The following INTS7 variants were observed in gnomAD, a reference collection of about 807,000 sequenced individuals.
The protein encoded by INTS7 is integrator complex subunit 7.
In INTS7, 46 loss-of-function variants were observed where a neutral mutation model predicts 109.2. The ratio of observed to expected loss-of-function variants is 0.42; its 90% CI spans 0.33 to 0.54. The LOEUF (loss-of-function observed/expected upper bound fraction) is 0.54. Ranked by LOEUF, INTS7 falls within the 20% of genes least tolerant of loss-of-function variation. The pLI is 0.07. For synonymous variants in INTS7, 412 were observed against 402.9 expected (o/e 1.02, Z -0.27); for missense variants, 929 against 1,132.4 (o/e 0.82, Z 2.58).
At chr1:211,963,337 T>C (rs905787317) in intron 16 of INTS7, among the ~76,000 whole-genome samples, 2 of 151,468 alleles carry the variant, frequency 1.3e-5, no homozygotes, top group African/African-American at 4.9e-5. Context: ...TGAAATTGAA[T>C]CAGTAATAAA....
At chr1:211,966,368 T>C in intron 16 of INTS7, 62 bp downstream of exon 16, 1 of 910,578 alleles carries the variant, frequency 1.1e-6, no homozygotes, top group Non-Finnish European at 1.8e-6. Flanking sequence ...CTTCTGATGA[T>C]TAGGTAAGAC....
At chr1:211,952,136 T>C (rs1248844732) in intron 17 of INTS7, among the ~76,000 whole-genome samples, 1 of 152,176 alleles carries the variant, frequency 6.6e-6, no homozygotes, top group Non-Finnish European at 1.5e-5. Context: ...CAGAATCACC[T>C]GAGTGTGTGT....
chr1:211,959,857 G>A lies in INTS7; in HGVS notation c.2183+6573C>T, dbSNP rs886198335. Among the ~76,000 whole-genome samples, 5 of 152,144 alleles carry A rather than the reference G, an allele frequency of 3.3e-5. No individual in the cohort carries two copies. The highest frequency in any genetic ancestry group is 1.2e-4 in the African/African-American group (5 of 41,430). On this transcript the variant is annotated intron_variant, in intron 16 of 19. Transcript: ENST00000366994. This position sits in a 1 kb window ranked among gnomAD's most constrained non-coding sequence, Gnocchi z 4.2. ...GTGCAGTTACCAACAGGGTTCCCCT[G>A]CACCCCACCGGCCACCTGCGCTGCC...
intron 4 of INTS7, among the ~76,000 whole-genome samples, chr1:212,015,114 C>A (rs1274254018): frequency 4.0e-5 from 6 of 149,716 alleles, no homozygotes; most frequent in Middle Eastern, 3.5e-3. Flanking sequence ...CGGGCAGCCG[C>A]CCCGTCCGGG....
chr1:211,982,929 A>T lies in INTS7; in HGVS notation c.998-119T>A, dbSNP rs1009569746. 7.4e-6 allele frequency: 5 copies of T among 680,070 alleles called. No individual in the cohort carries two copies. In the Admixed American group the frequency reaches 1.6e-4, roughly 22 times the overall value. 42.1% of individuals were successfully genotyped at this position (680,070 alleles called of 1,614,324 possible). On this transcript the variant is annotated intron_variant, in intron 8 of 19. Coordinates refer to ENST00000366994, the MANE Select transcript of INTS7 (RefSeq NM_015434.4). ...GTCTCTAACAATAAACTTCAACAAA[A>T]TTTCCTACCACAATCCCACTATCAA... is the stretch of plus-strand genomic sequence containing the variant.
At chr1:211,955,674 T>G (rs1420901277) in intron 16 of INTS7, among the ~76,000 whole-genome samples, 1 of 152,254 alleles carries the variant, frequency 6.6e-6, no homozygotes, top group Non-Finnish European at 1.5e-5. Flanking sequence ...TAATGCCTAC[T>G]ATGTACAAGG....
At chr1:211,989,984 A>G (rs1212761225) in intron 7 of INTS7, among the ~76,000 whole-genome samples, 1 of 152,198 alleles carries the variant, frequency 6.6e-6, no homozygotes, top group Non-Finnish European at 1.5e-5. Context: ...AGATTGACCA[A>G]GGTTAAAGTT....
intron 1 of INTS7, among the ~76,000 whole-genome samples, chr1:212,029,619 G>C (rs546927194): frequency 6.6e-6 from 1 of 152,350 alleles, no homozygotes; most frequent in East Asian, 1.9e-4. Context: ...CATAAAAAGA[G>C]TGTTCAAAAT....
chr1:211,976,148 T>C (rs1665759666), intron 12 of INTS7, among the ~76,000 whole-genome samples: 1 of 152,102 alleles, frequency 6.6e-6, no homozygotes, highest in South Asian at 2.1e-4. Context: ...CAAACAAAAT[T>C]AATAAAACTT....
chr1:211,968,557 T>A lies in INTS7; in HGVS notation c.1966A>T (p.Thr656Ser), dbSNP rs1023765369. 2 of 1,614,036 alleles carry A rather than the reference T, an allele frequency of 1.2e-6. No homozygotes were observed. Among genetic ancestry groups the A allele is most frequent in the East Asian group, 4.5e-5 (2 of 44,882 alleles). ...CACCTCTGGAGGTCATTTCCTAAGG[T>A]CATGGCAATTGTTGTGGCAATTGCA... ...PPAIATTIAM[T>S]LGNDLQRCGR... Residue 656 changes from threonine to serine, a missense_variant, in exon 14 of 20, where the codon ACC (threonine) becomes TCC (serine). Thr to Ser is a moderately conservative substitution (Grantham distance 58). This residue lies in a region of INTS7 where 787 missense variants were observed against 901.1 expected (regional missense o/e 0.87). Coordinates refer to ENST00000366994, the MANE Select transcript of INTS7 (RefSeq NM_015434.4).
At chr1:212,004,850 G>A (rs569682453) in intron 7 of INTS7, among the ~76,000 whole-genome samples, 1 of 152,270 alleles carries the variant, frequency 6.6e-6, no homozygotes, top group Non-Finnish European at 1.5e-5. Flanking sequence ...CACATAAAAA[G>A]TACAACTTCT....
intron 9 of INTS7, 94 bp downstream of exon 9, chr1:211,982,582 G>A (rs1417997093): frequency 1.0e-6 from 1 of 953,600 alleles, no homozygotes; most frequent in Non-Finnish European, 1.5e-6. Context: ...AAGGCACACA[G>A]GCTAAAAATA....
In INTS7 at chr1:212,035,480, A is replaced by C; in HGVS notation, c.-43T>G. ...GACTAGCCTAGTCAGAAAGCTTGCA[A>C]ACTCTACCCCAGGACCGCCATCTTC... On this transcript the variant is annotated 5_prime_UTR_variant, in exon 1 of 20. Coordinates refer to ENST00000366994, the MANE Select transcript of INTS7 (RefSeq NM_015434.4). 2 of 1,412,502 alleles carry C rather than the reference A, an allele frequency of 1.4e-6. No homozygotes were observed. The highest frequency in any genetic ancestry group is 2.0e-6 in the Non-Finnish European group (2 of 996,364). 87.5% of individuals were successfully genotyped at this position (1,412,502 alleles called of 1,614,324 possible).
rs906421804 is a variant in INTS7 at position 211,940,490 on chromosome 1, A to C, written c.*1334T>G. On this transcript the variant is annotated 3_prime_UTR_variant, in exon 20 of 20. Transcript: ENST00000366994. Reference sequence around the variant, plus strand: ...GGAGCTGCATCCGGCCAAATTACTTATAGCATCGGCATCTGCAACCATATG... The same window carrying C: ...GGAGCTGCATCCGGCCAAATTACTTCTAGCATCGGCATCTGCAACCATATG... 6.6e-6 allele frequency: 1 copy of C among 152,222 alleles called. No homozygotes were observed. The highest frequency in any genetic ancestry group is 2.4e-5 in the African/African-American group (1 of 41,454). The allele number at this position is 152,222 out of a possible 1,614,324, so 9.4% of individuals were successfully genotyped here.
chr1:212,017,127 G>T, intron 3 of INTS7, 104 bp from the exon 4 acceptor site: 2 of 769,586 alleles, frequency 2.6e-6, no homozygotes, highest in Non-Finnish European at 4.0e-6. Flanking sequence ...AAGTTTATAG[G>T]TAATTCTATG....
At position 211,978,310 on chromosome 1, in the gene INTS7, T is replaced by A. The variant is rs1273439175; in HGVS notation, c.1432A>T (p.Ile478Phe). 1.9e-6 allele frequency: 3 copies of A among 1,614,080 alleles called. No homozygotes were observed. Among genetic ancestry groups the A allele is most frequent in the Non-Finnish European group, 2.5e-6 (3 of 1,180,034 alleles). The stretch of plus-strand genomic sequence containing the variant: ...TGCTTGTCTGTGGCTGATCGTCCAA[T>A]CACCTTGTACAGCTCCATGAGGTCA... Reference protein sequence around the residue: ...LGDLMELYKVIGRSATDKQQE... With the variant: ...LGDLMELYKVFGRSATDKQQE... Residue 478 changes from isoleucine (I) to phenylalanine (F), a missense_variant, in exon 11 of 20, where the codon ATT (isoleucine) becomes TTT (phenylalanine). Ile to Phe is a conservative substitution (Grantham distance 21, BLOSUM62 0). Coordinates refer to ENST00000366994, the MANE Select transcript of INTS7 (RefSeq NM_015434.4).
At chr1:211,997,696 T>C (rs141480328) in intron 7 of INTS7, among the ~76,000 whole-genome samples, 1 of 151,788 alleles carries the variant, frequency 6.6e-6, no homozygotes, top group Non-Finnish European at 1.5e-5. Flanking sequence ...GTGGCCAACA[T>C]GGTGAAACCC....
intron 13 of INTS7, among the ~76,000 whole-genome samples, chr1:211,974,526 C>T (rs1349801185): frequency 3.3e-5 from 5 of 151,534 alleles, no homozygotes; most frequent in Admixed American, 6.6e-5. Flanking sequence ...AAATGTTTAA[C>T]GTTGATTATA....
intron 7 of INTS7, among the ~76,000 whole-genome samples, chr1:211,993,916 G>T (rs1370870732): frequency 6.6e-6 from 1 of 152,060 alleles, no homozygotes; most frequent in Non-Finnish European, 1.5e-5. Context: ...AAGGTATACA[G>T]AATGAAAGCT....
Sources: gnomAD v4.1 joint callset for allele counts (sites outside exome capture counted in the v4.1 genomes callset) on GRCh38, gnomAD v4.1.1 for gene constraint, gnomAD v4.1.1 regional missense constraint, Gnocchi (gnomAD v3.1) non-coding constraint, MANE v1.5 for transcripts, NCBI Gene and HGNC (gene_info 2026-07-23, HGNC 2026-07-21) for gene names.